TBCE: variants seen among roughly 807,000 people sequenced by gnomAD.
TBCE encodes the protein tubulin-specific chaperone E.
Under a neutral mutation model 77.0 loss-of-function variants are expected in TBCE, and 53 were observed. That is an observed-to-expected ratio of 0.69 (90% CI 0.55 to 0.87). The LOEUF (loss-of-function observed/expected upper bound fraction) is 0.87, where lower values mean the gene tolerates loss of function less well. Among genes scored for constraint, TBCE ranks in the 40% least tolerant of loss-of-function variants. The probability of loss-of-function intolerance (pLI) is 0.00; values close to 1 mark genes in which losing one functional copy is unlikely to be tolerated. For missense variants in TBCE, 624 were observed against 622.4 expected (o/e 1.00, Z -0.03); for synonymous variants, 235 against 241.3 (o/e 0.97, Z 0.24).
intron 1 of TBCE, among the ~76,000 whole-genome samples, chr1:235,377,163 A>G (rs1677347796): frequency 6.6e-6 from 1 of 152,108 alleles, no homozygotes; most frequent in South Asian, 2.1e-4. Context: ...TTTCACAACA[A>G]TTGGGAAAAA....
intron 2 of TBCE, among the ~76,000 whole-genome samples, chr1:235,392,438 C>T (rs1409557101): frequency 7.8e-6 from 1 of 128,872 alleles, no homozygotes; most frequent in African/African-American, 2.9e-5. Context: ...TAGACAGAGT[C>T]TCGCTCTTGT....
chr1:235,441,977 C>T, intron 14 of TBCE, 95 bp downstream of exon 14: 2 of 1,083,970 alleles, frequency 1.8e-6, no homozygotes, highest in Admixed American at 2.1e-5. Context: ...CTCTTAAGTA[C>T]CTAAGTAAAT....
rs184533698 is a variant in TBCE, at chr1:235,440,636, C to T, written c.1271-1178C>T. Among the ~76,000 whole-genome samples, 1,163 of 152,176 alleles carry T rather than the reference C, an allele frequency of 7.6e-3. 8 individuals are homozygous for T. The highest frequency in any genetic ancestry group is 0.02 in the Middle Eastern group (6 of 294). On this transcript the variant is annotated intron_variant, in intron 13 of 16. Coordinates refer to ENST00000642610, the MANE Select transcript of TBCE (RefSeq NM_003193.5). ...CTCAAACTCCTGAACTCAGGTGATT[C>T]GCCCGCCTCAGCCTCCCAAAGTGCT... is the stretch of plus-strand genomic sequence containing the variant.
intron 1 of TBCE, among the ~76,000 whole-genome samples, chr1:235,369,322 C>G (rs1676752660): frequency 6.7e-6 from 1 of 150,260 alleles, no homozygotes; most frequent in African/African-American, 2.5e-5. Flanking sequence ...TCCTGGCCAA[C>G]ATGGTGAAAC....
intron 15 of TBCE, among the ~76,000 whole-genome samples, chr1:235,448,014 G>C (rs142839029): frequency 4.6e-5 from 7 of 151,994 alleles, no homozygotes; most frequent in African/African-American, 1.4e-4. Flanking sequence ...TTCAAGACCA[G>C]CCTGGCCAAC....
At chr1:235,447,346 T>C (rs1238205977) in intron 15 of TBCE, among the ~76,000 whole-genome samples, 2 of 152,234 alleles carry the variant, frequency 1.3e-5, no homozygotes, top group Non-Finnish European at 2.9e-5. Context: ...ACTATTGCTG[T>C]ATCTCCAGCT....
At chr1:235,415,426 ACCAGTCATGGCTGCACAAGAACTGG>A (rs1680055110) in intron 4 of TBCE, 1 of 152,176 alleles carries the variant, frequency 6.6e-6, no homozygotes, top group Non-Finnish European at 1.5e-5. Context: ...TTTACACAAA[ACCAGTCATGGCTGCACAAGAACTGG>A]CCAGGCCTTG....
chr1:235,437,110 C>T (rs771350979), intron 11 of TBCE, among the ~76,000 whole-genome samples: 26 of 151,984 alleles, frequency 1.7e-4, no homozygotes, highest in Admixed American at 2.0e-4. Flanking sequence ...GCCTGGGAAA[C>T]GAGCGAAACT....
rs1455596131 is a variant in TBCE at position 235,437,361 on chromosome 1, C to CG, written c.1006dup (p.Ala336GlyfsTer37). The CG allele has an allele frequency of 6.2e-7, 1 of 1,613,904 alleles. No individual in the cohort carries two copies. The highest frequency in any genetic ancestry group is 8.5e-7 in the Non-Finnish European group (1 of 1,179,988). ...TGAGCTAGAGAAGTTACCAAGTCTA[C>CG]GGGCTTTGTCCTGCCTAAGAAACCC... On this transcript the variant is annotated frameshift_variant, in exon 12 of 17. Coordinates refer to ENST00000642610, the MANE Select transcript of TBCE (RefSeq NM_003193.5). LOFTEE classifies it high-confidence loss of function.
rs188051232 is a variant in TBCE at position 235,375,963 on chromosome 1, G to A, written c.-31-4056G>A. 2.8e-3 allele frequency among the ~76,000 whole-genome samples: 419 copies of A among 152,174 alleles called. 4 individuals are homozygous for A. Among genetic ancestry groups the A allele is most frequent in the Non-Finnish European group, 3.5e-3 (241 of 68,000 alleles). On this transcript the variant is annotated intron_variant, in intron 1 of 16. Transcript: ENST00000642610. The stretch of plus-strand genomic sequence containing the variant: ...CTCTGGAGGCTGAGGCAGGAGAATC[G>A]CTTGAACCCGGGCGGTGGAGGTTGC...
chr1:235,440,250 G>A lies in TBCE; in HGVS notation c.1270+1328G>A, dbSNP rs535183541. On this transcript the variant is annotated intron_variant, in intron 13 of 16. Coordinates refer to ENST00000642610, the MANE Select transcript of TBCE (RefSeq NM_003193.5). The stretch of plus-strand genomic sequence containing the variant: ...CTCCCAGAGTGCTGGGATTACAGGC[G>A]TGAGCCACCGCGCCCAGCCAGGGAA... 1.4e-4 allele frequency among the ~76,000 whole-genome samples: 22 copies of A among 152,260 alleles called. No homozygotes were observed. In the South Asian group the frequency reaches 3.5e-3, roughly 24 times the overall value.
chr1:235,435,864 TAC>T, intron 9 of TBCE, 24 bp downstream of exon 9: 1 of 1,583,350 alleles, frequency 6.3e-7, no homozygotes. Context: ...AAATGCCTGA[TAC>T]AATAGTGTTC....
In TBCE at chr1:235,387,583, A is replaced by G. The variant is rs188039029; in HGVS notation, c.100+7434A>G. Among the ~76,000 whole-genome samples the G allele has an allele frequency of 3.7e-3, 566 of 152,292 alleles. 5 individuals carry two copies. Among genetic ancestry groups the G allele is most frequent in the African/African-American group, 0.013 (544 of 41,570 alleles). On this transcript the variant is annotated intron_variant, in intron 2 of 16. Coordinates refer to ENST00000642610, the MANE Select transcript of TBCE (RefSeq NM_003193.5). Reference sequence around the variant, plus strand: ...GTGCTAGCAATCAGTGAGACTCCGTAGGTGTAGGACCCTCCGAGCCAGGTG... The same window carrying G: ...GTGCTAGCAATCAGTGAGACTCCGTGGGTGTAGGACCCTCCGAGCCAGGTG...
intron 15 of TBCE, among the ~76,000 whole-genome samples, chr1:235,445,603 T>C (rs1682202197): frequency 6.6e-6 from 1 of 152,164 alleles, no homozygotes; most frequent in Non-Finnish European, 1.5e-5. Flanking sequence ...GCCACTGCAA[T>C]CTGGCCTGGG....
intron 6 of TBCE, among the ~76,000 whole-genome samples, chr1:235,428,387 G>A (rs1680861325): frequency 6.6e-6 from 1 of 151,922 alleles, no homozygotes; most frequent in African/African-American, 2.4e-5. Context: ...CTTCTTGGAA[G>A]TCCCCTCTCT....
At chr1:235,398,937 G>T (rs966968183) in intron 2 of TBCE, among the ~76,000 whole-genome samples, 5 of 151,320 alleles carry the variant, frequency 3.3e-5, no homozygotes, top group African/African-American at 1.2e-4. Flanking sequence ...GAGCTCCCGT[G>T]CCCAGCCACT....
chr1:235,388,508 C>T (rs1052998290), intron 2 of TBCE, among the ~76,000 whole-genome samples: 40 of 151,962 alleles, frequency 2.6e-4, no homozygotes, highest in African/African-American at 8.5e-4. Flanking sequence ...AGGCTGGTCT[C>T]GAACTCCTGA....
rs557624165 is a variant in TBCE, at chr1:235,387,710, T to C, written c.100+7561T>C. Among the ~76,000 whole-genome samples, 7 of 152,298 alleles carry C rather than the reference T, an allele frequency of 4.6e-5. No individual in the cohort carries two copies. In the East Asian group the frequency reaches 1.3e-3, roughly 29 times the overall value. On this transcript the variant is annotated intron_variant, in intron 2 of 16. Transcript: ENST00000642610. ...TTCCAGGTGCCATCTGTCACCCCTTTCTTTGACTAGCAAAGGGAACTCCCT... is the reference window on the plus strand; with the variant it reads ...TTCCAGGTGCCATCTGTCACCCCTTCCTTTGACTAGCAAAGGGAACTCCCT...
rs758366722 is a variant in TBCE at position 235,448,747 on chromosome 1, A to G, written c.1569A>G (p.Leu523=). 12 of 1,613,006 alleles carry G rather than the reference A, an allele frequency of 7.4e-6. No individual in the cohort carries two copies. The highest frequency in any genetic ancestry group is 2.2e-5 in the South Asian group (2 of 91,038). Residue 523 remains leucine, a synonymous_variant, in exon 17 of 17, where the codon CTA becomes CTG. Coordinates refer to ENST00000642610, the MANE Select transcript of TBCE (RefSeq NM_003193.5). ...QFYSVENGDC[L]LVRW is the part of the protein sequence containing the mutation. ...ATTCTGTGGAAAATGGAGATTGTCT[A>G]TTAGTGCGATGGTGACAACCAACTA...
Sources: gnomAD v4.1 joint callset for allele counts (sites outside exome capture counted in the v4.1 genomes callset) on GRCh38, gnomAD v4.1.1 for gene constraint, MANE v1.5 for transcripts, NCBI Gene and HGNC (gene_info 2026-07-23, HGNC 2026-07-21) for gene names.